FOXN3: variants seen among roughly 807,000 people sequenced by gnomAD.
The protein encoded by FOXN3 is forkhead box protein N3.
FOXN3 carries 7 observed loss-of-function variants against 38.4 expected under a neutral mutation model. That is an observed-to-expected ratio of 0.18 (90% confidence interval 0.10 to 0.34). The LOEUF (loss-of-function observed/expected upper bound fraction) is 0.34. FOXN3 is among the 10% of genes least tolerant of loss of function. The pLI is 1.00. For synonymous variants in FOXN3, 230 were observed against 242.2 expected, an observed-to-expected ratio of 0.95 and a Z score of 0.47; for missense variants, 456 against 613.4, an observed-to-expected ratio of 0.74 and a Z score of 2.71.
At chr14:89,616,444 T>G (rs545417299) in intron 1 of FOXN3, among the ~76,000 whole-genome samples, 20 of 152,294 alleles carry the variant, frequency 1.3e-4, no homozygotes, top group African/African-American at 3.9e-4. Flanking sequence ...TTCCTTTCCC[T>G]GGTTAGCCTC....
intron 1 of FOXN3, among the ~76,000 whole-genome samples, chr14:89,589,167 G>A (rs1481126718): frequency 1.3e-5 from 2 of 151,922 alleles, no homozygotes; most frequent in Non-Finnish European, 2.9e-5. Flanking sequence ...AACCAGCACA[G>A]CTGTTTACCA....
chr14:89,171,622 G>T (rs552363501), intron 5 of FOXN3, among the ~76,000 whole-genome samples: 45 of 151,882 alleles, frequency 3.0e-4, no homozygotes, highest in Non-Finnish European at 5.3e-4. Context: ...ATTCACCACA[G>T]TAAAAAAAAG....
chr14:89,600,652 TA>T (rs1457153374), intron 1 of FOXN3, among the ~76,000 whole-genome samples: 1 of 152,206 alleles, frequency 6.6e-6, no homozygotes, highest in African/African-American at 2.4e-5. Context: ...AGGATAGAAG[TA>T]AACCCTTACT....
intron 1 of FOXN3, among the ~76,000 whole-genome samples, chr14:89,536,924 T>A (rs926374758): frequency 1.3e-5 from 2 of 152,178 alleles, no homozygotes; most frequent in Non-Finnish European, 2.9e-5. Flanking sequence ...TAAAGAAGTA[T>A]AAAATCCAAA....
At chr14:89,289,197 AGAAAAG>A (rs1555415317) in intron 3 of FOXN3, among the ~76,000 whole-genome samples, 20 of 6,540 alleles carry the variant, frequency 3.1e-3, no homozygotes, top group Admixed American at 0.011. Flanking sequence ...AAAAAAAAAA[AGAAAAG>A]AAAAAGAAAA....
intron 1 of FOXN3, among the ~76,000 whole-genome samples, chr14:89,473,702 C>T (rs1893155570): frequency 6.6e-6 from 1 of 152,148 alleles, no homozygotes; most frequent in Non-Finnish European, 1.5e-5. Flanking sequence ...TACATTCACT[C>T]TTGTAGATGT....
intron 4 of FOXN3, among the ~76,000 whole-genome samples, chr14:89,260,884 C>A (rs141882747): frequency 3.2e-4 from 49 of 152,274 alleles, no homozygotes; most frequent in Middle Eastern, 3.4e-3. Flanking sequence ...AGTTGTGTAA[C>A]CAATATATTT....
intron 1 of FOXN3, among the ~76,000 whole-genome samples, chr14:89,616,033 G>A (rs1207308993): frequency 6.6e-6 from 1 of 152,152 alleles, no homozygotes; most frequent in Non-Finnish European, 1.5e-5. Context: ...AAAGGAAGAC[G>A]TTTCTAAATG....
intron 3 of FOXN3, among the ~76,000 whole-genome samples, chr14:89,332,211 C>T (rs141039120): frequency 2.0e-4 from 30 of 152,244 alleles, no homozygotes; most frequent in African/African-American, 7.2e-4. Context: ...TTGAACAGCG[C>T]AGAGAGGGGC....
intron 2 of FOXN3, among the ~76,000 whole-genome samples, chr14:89,371,527 G>A (rs1390485889): frequency 1.3e-5 from 2 of 151,840 alleles, no homozygotes; most frequent in Non-Finnish European, 2.9e-5. Flanking sequence ...AAGGCACATG[G>A]GAACTGCTGC....
At chr14:89,598,929 T>C (rs2139936458) in intron 1 of FOXN3, among the ~76,000 whole-genome samples, 2 of 152,306 alleles carry the variant, frequency 1.3e-5, no homozygotes, top group Middle Eastern at 3.4e-3. Context: ...CTGGATTCTG[T>C]GGCTTTGTGT....
chr14:89,351,093 G>A, intron 2 of FOXN3: 1 of 216,034 alleles, frequency 4.6e-6, no homozygotes. Flanking sequence ...GAATCTCATT[G>A]TTTTTCAGCG....
Position 89,258,911 on chromosome 14 carries a change from A to G in FOXN3, c.745+22039T>C, listed in dbSNP as rs186413303. Among the ~76,000 whole-genome samples the G allele has an allele frequency of 6.6e-5, 10 of 152,276 alleles. No homozygotes were observed. The East Asian group carries it at 1.9e-3, about 29-fold the overall frequency. On this transcript the variant is annotated intron_variant, in intron 4 of 5. Transcript: ENST00000557258. ...ACTTCCTCTGAGCTTCACCTCTCAC[A>G]TCCTCTCACATGCTCGGTTATCCCC...
intron 1 of FOXN3, among the ~76,000 whole-genome samples, chr14:89,479,642 G>A (rs369173902): frequency 6.6e-6 from 1 of 152,088 alleles, no homozygotes; most frequent in African/African-American, 2.4e-5. Context: ...AGAAATGATT[G>A]TAACAACCAA....
chr14:89,457,012 T>C (rs1480600410), intron 1 of FOXN3, among the ~76,000 whole-genome samples: 1 of 152,200 alleles, frequency 6.6e-6, no homozygotes, highest in African/African-American at 2.4e-5. Context: ...TAAATTTGTA[T>C]CACCGTTATT....
intron 3 of FOXN3, among the ~76,000 whole-genome samples, chr14:89,288,760 A>G (rs1886760253): frequency 1.1e-5 from 1 of 88,744 alleles, no homozygotes; most frequent in Non-Finnish European, 2.2e-5. Flanking sequence ...ATATATATAT[A>G]TATATATATG....
chr14:89,178,276 T>C (rs1887577436), intron 5 of FOXN3, among the ~76,000 whole-genome samples: 2 of 152,102 alleles, frequency 1.3e-5, no homozygotes, highest in African/African-American at 4.8e-5. Flanking sequence ...CTCTCAGTGT[T>C]GGGATTACAG....
intron 3 of FOXN3, chr14:89,349,579 G>A (rs1162600024): frequency 6.6e-6 from 1 of 152,632 alleles, no homozygotes; most frequent in Non-Finnish European, 1.5e-5. Flanking sequence ...CAGTTGCTAT[G>A]GGTACCATCA....
chr14:89,614,454 G>C (rs755062541), intron 1 of FOXN3, among the ~76,000 whole-genome samples: 1 of 152,126 alleles, frequency 6.6e-6, no homozygotes, highest in Non-Finnish European at 1.5e-5. Flanking sequence ...TTTTCTGTAT[G>C]TACGTAGGCT....
Sources: allele counts gnomAD v4.1 joint callset (sites outside exome capture counted in the v4.1 genomes callset), GRCh38; gene constraint gnomAD v4.1.1; transcripts MANE v1.5; gene names NCBI Gene and HGNC (gene_info 2026-07-23, HGNC 2026-07-21).